FAM193A: variants seen among roughly 807,000 people sequenced by gnomAD.
The protein encoded by FAM193A is protein FAM193A.
In FAM193A, 22 loss-of-function variants were observed where a neutral mutation model predicts 126.5. The ratio of observed to expected loss-of-function variants is 0.17; its 90% CI spans 0.12 to 0.25. The LOEUF (loss-of-function observed/expected upper bound fraction) is 0.25, where lower values mean the gene tolerates loss of function less well. FAM193A is among the 10% of genes least tolerant of loss of function. The probability of loss-of-function intolerance (pLI) is 1.00; values close to 1 mark genes in which losing one functional copy is unlikely to be tolerated. For missense variants in FAM193A, 1,675 were observed against 1,672.8 expected (o/e 1.00, Z -0.02); for synonymous variants, 761 against 646.8 (o/e 1.18, Z -2.68).
chr4:2,654,777 TA>T (rs1746010307), intron 7 of FAM193A: 1 of 266,612 alleles, frequency 3.8e-6, no homozygotes, highest in Non-Finnish European at 7.1e-6. Context: ...TTATAGTTTG[TA>T]AATCTTGACC....
At chr4:2,536,571 G>C (rs1399376803), upstream of FAM193A, 1 of 147,838 alleles carries the variant, frequency 6.8e-6, no homozygotes, top group Non-Finnish European at 1.5e-5. Context: ...AGTAAGGCGG[G>C]GTGGGGGTGG....
intron 2 of FAM193A, among the ~76,000 whole-genome samples, chr4:2,609,094 G>T (rs373615565): frequency 3.3e-5 from 5 of 151,598 alleles, no homozygotes; most frequent in Non-Finnish European, 7.4e-5. Flanking sequence ...GGGTTTCATC[G>T]TGTTAGCCAG....
At chr4:2,634,097 G>A (rs1345773570) in intron 5 of FAM193A, among the ~76,000 whole-genome samples, 1 of 152,214 alleles carries the variant, frequency 6.6e-6, no homozygotes, top group East Asian at 1.9e-4. Flanking sequence ...TGCTGGGACT[G>A]TAAGTGACGA....
chr4:2,592,906 C>T (rs1037572449), intron 1 of FAM193A, among the ~76,000 whole-genome samples: 2 of 152,198 alleles, frequency 1.3e-5, no homozygotes, highest in Admixed American at 6.5e-5. Context: ...GGGCCAGGAG[C>T]AGTGTGTGTT....
intron 2 of FAM193A, among the ~76,000 whole-genome samples, chr4:2,618,828 C>G (rs1365815421): frequency 1.3e-5 from 2 of 152,088 alleles, no homozygotes; most frequent in African/African-American, 4.8e-5. Context: ...CTCCTGACCT[C>G]AGGTGATCTG....
chr4:2,619,271 ATC>A (rs1355272572), intron 2 of FAM193A, among the ~76,000 whole-genome samples: 1 of 151,778 alleles, frequency 6.6e-6, no homozygotes, highest in Admixed American at 6.6e-5. Context: ...CAGTTGTATC[ATC>A]TCTATTTTTG....
intron 7 of FAM193A, among the ~76,000 whole-genome samples, chr4:2,652,877 A>T (rs2109077364): frequency 6.6e-6 from 1 of 152,372 alleles, no homozygotes; most frequent in Non-Finnish European, 1.5e-5. Flanking sequence ...GAGAAGGAAG[A>T]TGAACCGTTA....
chr4:2,631,412 T>C (rs1743571342), intron 5 of FAM193A, among the ~76,000 whole-genome samples: 1 of 152,100 alleles, frequency 6.6e-6, no homozygotes, highest in African/African-American at 2.4e-5. Flanking sequence ...TAGTACTGTT[T>C]GGAGGACCTT....
intron 13 of FAM193A, among the ~76,000 whole-genome samples, chr4:2,682,069 C>T (rs1343656170): frequency 6.7e-6 from 1 of 149,258 alleles, no homozygotes; most frequent in Non-Finnish European, 1.5e-5. Flanking sequence ...ACTGCAAGCT[C>T]CACCTCCTGA....
chr4:2,725,450 CA>C (rs71644355), intron 20 of FAM193A, among the ~76,000 whole-genome samples: 159 of 31,772 alleles, frequency 5.0e-3, no homozygotes, highest in East Asian at 0.01. Context: ...ACCCTGTCTC[CA>C]AAAAAAAAAA....
At chr4:2,614,240 A>C (rs1228828831) in intron 2 of FAM193A, among the ~76,000 whole-genome samples, 1 of 152,192 alleles carries the variant, frequency 6.6e-6, no homozygotes, top group African/African-American at 2.4e-5. Context: ...TCATGATCTT[A>C]GGGGAAAGCA....
At chr4:2,686,622 G>T (rs1715771260) in intron 13 of FAM193A, among the ~76,000 whole-genome samples, 1 of 152,216 alleles carries the variant, frequency 6.6e-6, no homozygotes, top group Non-Finnish European at 1.5e-5. Flanking sequence ...AACACACATG[G>T]GTGGTGGAGC....
At chr4:2,723,882 G>A (rs1186282316) in intron 20 of FAM193A, among the ~76,000 whole-genome samples, 1 of 152,114 alleles carries the variant, frequency 6.6e-6, no homozygotes, top group African/African-American at 2.4e-5. Flanking sequence ...GCTCACTGCA[G>A]CCTTGACCAC....
chr4:2,547,099 T>C (rs1441531075), intron 1 of FAM193A, among the ~76,000 whole-genome samples: 1 of 152,092 alleles, frequency 6.6e-6, no homozygotes, highest in Non-Finnish European at 1.5e-5. Flanking sequence ...AAAAAACCCT[T>C]TTTGTGGGCT....
At chr4:2,679,585 G>T (rs555643145) in intron 13 of FAM193A, among the ~76,000 whole-genome samples, 3 of 151,772 alleles carry the variant, frequency 2.0e-5, no homozygotes, top group Non-Finnish European at 2.9e-5. Context: ...CTACATGTTG[G>T]TCAGCTGGTC....
intron 19 of FAM193A, among the ~76,000 whole-genome samples, chr4:2,712,579 G>A (rs112652946): frequency 6.6e-6 from 1 of 152,098 alleles, no homozygotes; most frequent in Non-Finnish European, 1.5e-5. Context: ...TTTTCTGAGT[G>A]CCTTGGTTTT....
intron 2 of FAM193A, among the ~76,000 whole-genome samples, chr4:2,611,417 A>G (rs1361115156): frequency 6.6e-6 from 1 of 151,298 alleles, no homozygotes; most frequent in African/African-American, 2.4e-5. Context: ...TACAGGCGCC[A>G]GCCACCATGC....
At chr4:2,730,750 G>C (rs1721285643) in intron 20 of FAM193A, among the ~76,000 whole-genome samples, 1 of 151,808 alleles carries the variant, frequency 6.6e-6, no homozygotes, top group African/African-American at 2.4e-5. Flanking sequence ...AAAATTAGCT[G>C]GGTGTTGTGG....
intron 13 of FAM193A, among the ~76,000 whole-genome samples, chr4:2,680,087 C>T (rs1714928371): frequency 6.6e-6 from 1 of 152,064 alleles, no homozygotes; most frequent in Admixed American, 6.5e-5. Context: ...TCTCAAACTC[C>T]TGACCTCAGG....
Sources: gnomAD v4.1 joint callset for allele counts (sites outside exome capture counted in the v4.1 genomes callset) on GRCh38, gnomAD v4.1.1 for gene constraint, MANE v1.5 for transcripts, NCBI Gene and HGNC (gene_info 2026-07-23, HGNC 2026-07-21) for gene names.